The following KIAA0040 variants were observed in gnomAD, a reference collection of about 807,000 sequenced individuals.
KIAA0040 encodes the protein KIAA0040, also known as uncharacterized protein KIAA0040.
A neutral mutation model predicts 7.2 loss-of-function variants in KIAA0040; 10 were observed. The observed-to-expected ratio is 1.38, with a 90% confidence interval of 0.85 to 2.34. The LOEUF is 2.34. KIAA0040 is among the 30% of genes most tolerant of loss of function. KIAA0040 has a pLI of 0.00. For missense variants in KIAA0040, 89 were observed against 108.2 expected (o/e 0.82, Z 0.79); for synonymous variants, 49 against 40.1 (o/e 1.22, Z -0.84).
At chr1:175,183,842 G>A (rs1677543041) in intron 1 of KIAA0040, among the ~76,000 whole-genome samples, 1 of 152,354 alleles carries the variant, frequency 6.6e-6, no homozygotes, top group Non-Finnish European at 1.5e-5. Context: ...TGGGTGGTAG[G>A]TGGTAGGTCC....
intron 2 of KIAA0040, among the ~76,000 whole-genome samples, chr1:175,173,294 T>G (rs938560556): frequency 9.2e-5 from 14 of 152,286 alleles, no homozygotes; most frequent in African/African-American, 3.4e-4. Flanking sequence ...AAACAGAGGG[T>G]TGGCAAAAGT....
chr1:175,170,238 C>T (rs183356004), intron 2 of KIAA0040, among the ~76,000 whole-genome samples: 68 of 152,168 alleles, frequency 4.5e-4, no homozygotes, highest in African/African-American at 1.6e-3. Flanking sequence ...TGGTGAGCAT[C>T]GTAAGTAAAG....
chr1:175,165,963 T>C (rs935166132), intron 3 of KIAA0040, among the ~76,000 whole-genome samples: 1 of 152,214 alleles, frequency 6.6e-6, no homozygotes, highest in African/African-American at 2.4e-5. Context: ...AGACAGTAAA[T>C]ACTTTCTGGA....
rs1676329897 is a variant in KIAA0040, at chr1:175,157,509, A to G, written c.*3205T>C. ...TGGGGGTAATACCTAATGTTAAGAG[A>G]GTAACCATCTGACTACATCAAGACT... On this transcript the variant is annotated 3_prime_UTR_variant, in exon 4 of 4. Transcript: ENST00000423313. 6.6e-6 allele frequency: 1 copy of G among 152,240 alleles called. No individual in the cohort carries two copies. Among genetic ancestry groups the G allele is most frequent in the Non-Finnish European group, 1.5e-5 (1 of 68,050 alleles). The allele number at this position is 152,240 out of a possible 1,614,324, so 9.4% of individuals were successfully genotyped here.
chr1:175,165,508 C>A (rs916330567), intron 3 of KIAA0040, among the ~76,000 whole-genome samples: 6 of 152,202 alleles, frequency 3.9e-5, no homozygotes, highest in Non-Finnish European at 7.4e-5. Context: ...AACCATGGGT[C>A]CCCACCGCAT....
Position 175,162,776 on chromosome 1 carries a change from C to T in KIAA0040, c.-133-1630G>A, listed in dbSNP as rs112839030. 3.3e-3 allele frequency among the ~76,000 whole-genome samples: 508 copies of T among 152,280 alleles called. 2 individuals carry two copies. Among genetic ancestry groups the T allele is most frequent in the Non-Finnish European group, 5.7e-3 (385 of 68,016 alleles). ...TATCTAAGCCCCAGCTGTCCTCAGT[C>T]CTAGTCTGCTGGCATGTAATCCCAC... is the stretch of plus-strand genomic sequence containing the variant. On this transcript the variant is annotated intron_variant, in intron 3 of 3. Coordinates refer to ENST00000423313, the MANE Select transcript of KIAA0040 (RefSeq NM_014656.3).
At chr1:175,189,596 T>C (rs1236950472) in intron 1 of KIAA0040, among the ~76,000 whole-genome samples, 1 of 152,212 alleles carries the variant, frequency 6.6e-6, no homozygotes, top group African/African-American at 2.4e-5. Context: ...CCTTAAAATA[T>C]GTCATACAAT....
intron 1 of KIAA0040, among the ~76,000 whole-genome samples, chr1:175,178,977 G>C (rs1304020479): frequency 6.7e-6 from 1 of 149,058 alleles, no homozygotes; most frequent in Non-Finnish European, 1.5e-5. Context: ...GGGCGGGGGG[G>C]GGGATATCAT....
Position 175,160,215 on chromosome 1 carries a change from A to G in KIAA0040, c.*499T>C. On this transcript the variant is annotated 3_prime_UTR_variant, in exon 4 of 4. Transcript: ENST00000423313. ...GGGGCCTTGCTGGTTAGGAAATTGT[A>G]TATATGTGTCTGAATCTGGCAAGGC... is the stretch of plus-strand genomic sequence containing the variant. The G allele has an allele frequency of 6.3e-6, 1 of 158,158 alleles. No homozygotes were observed. Among genetic ancestry groups the G allele is most frequent in the East Asian group, 1.9e-4 (1 of 5,248 alleles). 9.8% of individuals were successfully genotyped at this position (158,158 alleles called of 1,614,324 possible).
chr1:175,179,681 A>G (rs143310980), intron 1 of KIAA0040, among the ~76,000 whole-genome samples: 2 of 152,332 alleles, frequency 1.3e-5, no homozygotes, highest in East Asian at 3.9e-4. Flanking sequence ...TCCAATGAAT[A>G]TCCTACACTT....
intron 2 of KIAA0040, among the ~76,000 whole-genome samples, chr1:175,170,492 C>T (rs954366355): frequency 2.0e-5 from 3 of 152,152 alleles, no homozygotes; most frequent in African/African-American, 7.2e-5. Flanking sequence ...GGTAATCCAA[C>T]TCTCCTATTA....
rs1676518241 is a variant in KIAA0040, at chr1:175,160,973, G to T, written c.41C>A (p.Thr14Asn). ...ISAFFSSIWDTILTKHQEGIY... is the reference protein window; with the variant it reads ...ISAFFSSIWDNILTKHQEGIY... ...GCCTTCTTGGTGTTTGGTCAAGATG[G>T]TGTCCCAGATAGAGCTGAAGAAGGC... The change falls in exon 4 of 4, where the codon ACC becomes AAC. Residue 14 changes from threonine (T) to asparagine (N), a missense_variant. Physicochemically the swap from Thr to Asn is moderately conservative, Grantham distance 65 (BLOSUM62 0). Coordinates refer to ENST00000423313, the MANE Select transcript of KIAA0040 (RefSeq NM_014656.3). 2 of 1,551,500 alleles carry T rather than the reference G, an allele frequency of 1.3e-6. No individual in the cohort carries two copies. The highest frequency in any genetic ancestry group is 1.2e-5 in the South Asian group (1 of 84,036).
chr1:175,158,982 T>G lies in KIAA0040; in HGVS notation c.*1732A>C, dbSNP rs376302182. The G allele has an allele frequency of 5.7e-4, 87 of 152,322 alleles. 1 individual carries two copies. The highest frequency in any genetic ancestry group is 2.0e-3 in the African/African-American group (84 of 41,560). The allele number at this position is 152,322 out of a possible 1,614,324, so 9.4% of individuals were successfully genotyped here. A position where few individuals can be genotyped will look rare whatever the true frequency, so the allele number is the denominator to read the frequency against. On this transcript the variant is annotated 3_prime_UTR_variant, in exon 4 of 4. Transcript: ENST00000423313. ...ATATATCTTTCCTTTAATGCAATCT[T>G]ATAGAATTTAGTTTTTTGCTACTAT...
chr1:175,163,255 C>T (rs1676623357), intron 3 of KIAA0040, among the ~76,000 whole-genome samples: 1 of 152,162 alleles, frequency 6.6e-6, no homozygotes, highest in Non-Finnish European at 1.5e-5. Flanking sequence ...AATGCTTATC[C>T]CAGTCTATTG....
Position 175,159,031 on chromosome 1 carries a change from A to G in KIAA0040, c.*1683T>C, listed in dbSNP as rs1324773330. 6.6e-6 allele frequency: 1 copy of G among 152,212 alleles called. No homozygotes were observed. Among genetic ancestry groups the G allele is most frequent in the Non-Finnish European group, 1.5e-5 (1 of 68,030 alleles). The allele number at this position is 152,212 out of a possible 1,614,324, so 9.4% of individuals were successfully genotyped here. ...ATAAATATCATAGTTTAGCTACATT[A>G]TTAATTAGATAGCAATTTTGCCACT... On this transcript the variant is annotated 3_prime_UTR_variant, in exon 4 of 4. Transcript: ENST00000423313.
Position 175,160,994 on chromosome 1 carries a change from A to G in KIAA0040, c.20T>C (p.Phe7Ser). MERISA[F>S]FSSIWDTILT... is the part of the protein sequence containing the mutation. ...GATGGTGTCCCAGATAGAGCTGAAG[A>G]AGGCACTGATTCTCTCCATGGTGCT... Residue 7 changes from phenylalanine (F) to serine (S), a missense_variant, in exon 4 of 4, where the codon TTC (phenylalanine) becomes TCC (serine). By Grantham distance (155) the Phe-to-Ser change is radical. Transcript: ENST00000423313. 1 of 1,550,990 alleles carries G rather than the reference A, an allele frequency of 6.4e-7. No homozygotes were observed. Among genetic ancestry groups the G allele is most frequent in the African/African-American group, 1.4e-5 (1 of 73,116 alleles).
rs1207250112 is a variant in KIAA0040, at chr1:175,159,337, T to C, written c.*1377A>G. 1 of 152,226 alleles carries C rather than the reference T, an allele frequency of 6.6e-6. No homozygotes were observed. The highest frequency in any genetic ancestry group is 1.5e-5 in the Non-Finnish European group (1 of 68,022). 9.4% of individuals were successfully genotyped at this position (152,226 alleles called of 1,614,324 possible). On this transcript the variant is annotated 3_prime_UTR_variant, in exon 4 of 4. Coordinates refer to ENST00000423313, the MANE Select transcript of KIAA0040 (RefSeq NM_014656.3). Reference sequence around the variant, plus strand: ...TGTCACCTACATGTGCTCTCCAGCATTAAACACCCAATTTCATCCATTGCA... The same window carrying C: ...TGTCACCTACATGTGCTCTCCAGCACTAAACACCCAATTTCATCCATTGCA...
At chr1:175,166,114 C>A (rs780257793) in intron 3 of KIAA0040, among the ~76,000 whole-genome samples, 4 of 152,136 alleles carry the variant, frequency 2.6e-5, no homozygotes, top group Non-Finnish European at 4.4e-5. Flanking sequence ...CCTTAAGAGA[C>A]CCCTCTTCTG....
At chr1:175,176,752 T>C (rs1040130823) in intron 2 of KIAA0040, among the ~76,000 whole-genome samples, 1 of 135,408 alleles carries the variant, frequency 7.4e-6, no homozygotes, top group Non-Finnish European at 1.6e-5. Flanking sequence ...AGCCTCATCA[T>C]GTGCAGTTTT....
Sources: gnomAD v4.1 joint callset for allele counts (sites outside exome capture counted in the v4.1 genomes callset) on GRCh38, gnomAD v4.1.1 for gene constraint, MANE v1.5 for transcripts, NCBI Gene and HGNC (gene_info 2026-07-23, HGNC 2026-07-21) for gene names.